HAVCR2: variants seen among roughly 807,000 people sequenced by gnomAD.
HAVCR2 encodes the protein hepatitis A virus cellular receptor 2, also known as T cell immunoglobulin mucin 3.
HAVCR2 carries 13 observed loss-of-function variants against 24.7 expected under a neutral mutation model. The ratio of observed to expected loss-of-function variants is 0.53; its 90% confidence interval spans 0.34 to 0.84. HAVCR2 has a LOEUF of 0.84. Among genes scored for constraint, HAVCR2 ranks in the 40% least tolerant of loss-of-function variants. The pLI is 0.01. For synonymous variants in HAVCR2, 154 were observed against 143.4 expected, an observed-to-expected ratio of 1.07 and a Z score of -0.53; for missense variants, 343 against 371.2, an observed-to-expected ratio of 0.92 and a Z score of 0.62.
chr5:157,093,809 G>A (rs775873124), intron 5 of HAVCR2, among the ~76,000 whole-genome samples: 60 of 152,056 alleles, frequency 3.9e-4, no homozygotes, highest in Admixed American at 2.8e-3. Flanking sequence ...GCCAGGCGTG[G>A]TGGTACATGC....
At chr5:157,092,913 A>AAAAAAAAAAAAAAT (rs1561619880) in intron 5 of HAVCR2, among the ~76,000 whole-genome samples, 28 of 123,022 alleles carry the variant, frequency 2.3e-4, no homozygotes, top group African/African-American at 8.1e-4. Flanking sequence ...AAAAAAAAAA[A>AAAAAAAAAAAAAAT]AAAAACTAGC....
intron 5 of HAVCR2, among the ~76,000 whole-genome samples, chr5:157,091,803 A>T (rs1299757841): frequency 6.6e-6 from 1 of 152,218 alleles, no homozygotes; most frequent in East Asian, 1.9e-4. Context: ...ATCAGTTAGG[A>T]GAGGGGCAAA....
intron 3 of HAVCR2, among the ~76,000 whole-genome samples, chr5:157,099,916 G>A (rs554632145): frequency 2.0e-5 from 3 of 152,162 alleles, no homozygotes; most frequent in Non-Finnish European, 2.9e-5. Flanking sequence ...GGCTAGTCTC[G>A]AACTCCTGAC....
chr5:157,100,038 AAGGGAGACAGGGT>A (rs1757147573), intron 3 of HAVCR2, among the ~76,000 whole-genome samples: 1 of 152,156 alleles, frequency 6.6e-6, no homozygotes, highest in South Asian at 2.1e-4. Flanking sequence ...TACTCATGAG[AAGGGAGACAGGGT>A]TGCCAACAAA....
At chr5:157,094,036 C>T (rs999209226) in intron 5 of HAVCR2, among the ~76,000 whole-genome samples, 4 of 150,406 alleles carry the variant, frequency 2.7e-5, no homozygotes, top group African/African-American at 9.8e-5. Context: ...AACTTCAACA[C>T]ACTTCTTTTT....
intron 6 of HAVCR2, among the ~76,000 whole-genome samples, chr5:157,087,638 G>A (rs1021905312): frequency 2.6e-5 from 4 of 152,100 alleles, no homozygotes; most frequent in Non-Finnish European, 5.9e-5. Flanking sequence ...GGGCGCCGTG[G>A]CTCACGCCTG....
chr5:157,089,479 T>TG (rs1488499115), intron 5 of HAVCR2, among the ~76,000 whole-genome samples: 1 of 150,204 alleles, frequency 6.7e-6, no homozygotes, highest in African/African-American at 2.5e-5. Flanking sequence ...GAGGTTGCGG[T>TG]GAGCCAAGAT....
At chr5:157,098,322 G>A (rs143869960) in intron 4 of HAVCR2, among the ~76,000 whole-genome samples, 2 of 151,840 alleles carry the variant, frequency 1.3e-5, no homozygotes, top group East Asian at 1.9e-4. Flanking sequence ...CAGGAGAATC[G>A]CTTGAACCCG....
intron 3 of HAVCR2, among the ~76,000 whole-genome samples, chr5:157,100,256 T>C (rs1757149930): frequency 6.6e-6 from 1 of 152,134 alleles, no homozygotes; most frequent in Non-Finnish European, 1.5e-5. Context: ...TAACCCAAGG[T>C]CACATGACTT....
intron 1 of HAVCR2, 42 bp downstream of exon 1, chr5:157,108,884 C>A (rs543836769): frequency 6.3e-7 from 1 of 1,594,108 alleles, no homozygotes; most frequent in African/African-American, 1.3e-5. Flanking sequence ...GTCCTCTGTA[C>A]AGCACCATTA....
chr5:157,086,840 A>G lies in HAVCR2; in HGVS notation c.*262T>C. 2.5e-6 allele frequency: 1 copy of G among 407,244 alleles called. No individual in the cohort carries two copies. The highest frequency in any genetic ancestry group is 3.6e-5 in the South Asian group (1 of 27,422). The allele number at this position is 407,244 out of a possible 1,614,324, so 25.2% of individuals were successfully genotyped here. On this transcript the variant is annotated 3_prime_UTR_variant, in exon 7 of 7. Coordinates refer to ENST00000307851, the MANE Select transcript of HAVCR2 (RefSeq NM_032782.5). ...CCCACGTCAAGAATTCCTAGTGTATATAAAAGCCCGTTTGAGCTCTAACAT... is the reference window on the plus strand; with the variant it reads ...CCCACGTCAAGAATTCCTAGTGTATGTAAAAGCCCGTTTGAGCTCTAACAT...
At chr5:157,091,849 C>T (rs546440731) in intron 5 of HAVCR2, among the ~76,000 whole-genome samples, 11 of 152,242 alleles carry the variant, frequency 7.2e-5, no homozygotes, top group African/African-American at 2.4e-4. Flanking sequence ...GGATGGTCAT[C>T]TCAGAGAGTA....
chr5:157,108,421 T>C lies in HAVCR2; in HGVS notation c.58+505A>G, dbSNP rs190570061. Reference sequence around the variant, plus strand: ...ATCACTTGAACCTGGGAGGCGGAGATTGCAGTGAGCCAAAATGGTGCCACC... The same window carrying C: ...ATCACTTGAACCTGGGAGGCGGAGACTGCAGTGAGCCAAAATGGTGCCACC... On this transcript the variant is annotated intron_variant, in intron 1 of 6. Coordinates refer to ENST00000307851, the MANE Select transcript of HAVCR2 (RefSeq NM_032782.5). 7.4e-4 allele frequency among the ~76,000 whole-genome samples: 112 copies of C among 151,938 alleles called. 1 individual carries two copies. The highest frequency in any genetic ancestry group is 2.6e-3 in the African/African-American group (107 of 41,398).
In HAVCR2 at chr5:157,098,854, T is replaced by G; in HGVS notation, c.522+4A>C. The G allele has an allele frequency of 6.2e-7, 1 of 1,612,438 alleles. No individual in the cohort carries two copies. ...CAACATAGCTCACAAAAAAAGTTACTTACTGTTAGATTTATATCAGGGAGG... is the reference window on the plus strand; with the variant it reads ...CAACATAGCTCACAAAAAAAGTTACGTACTGTTAGATTTATATCAGGGAGG... On this transcript the variant is annotated splice_donor_region_variant and intron_variant, in intron 4 of 6. Transcript: ENST00000307851.
intron 4 of HAVCR2, 124 bp from the exon 5 acceptor site, chr5:157,095,583 C>T: frequency 1.0e-6 from 1 of 991,710 alleles, no homozygotes; most frequent in Non-Finnish European, 1.5e-6. Context: ...TCCTTCAAAT[C>T]ACCTTTGATC....
intron 5 of HAVCR2, among the ~76,000 whole-genome samples, chr5:157,093,078 TAA>T (rs1757031688): frequency 1.2e-5 from 1 of 84,406 alleles, no homozygotes; most frequent in South Asian, 3.6e-4. Flanking sequence ...CCAATAATAA[TAA>T]ATATATATAT....
In HAVCR2 at chr5:157,106,670, T is replaced by C. The variant is rs1757256066; in HGVS notation, c.351A>G (p.Ile117Met). 2 of 1,614,228 alleles carry C rather than the reference T, an allele frequency of 1.2e-6. No homozygotes were observed. The highest frequency in any genetic ancestry group is 1.7e-5 in the Admixed American group (1 of 60,026). Residue 117 changes from isoleucine to methionine, a missense_variant, in exon 2 of 7, where the codon ATA (isoleucine) becomes ATG (methionine). By Grantham distance (10) the Ile-to-Met change is conservative. Transcript: ENST00000307851. ...IYCCRIQIPG[I>M]MNDEKFNLKL... is the part of the protein sequence containing the mutation. ...TCAGGTTAAATTTTTCATCATTCAT[T>C]ATGCCTGGGATTTGGATCCGGCAGC...
intron 3 of HAVCR2, among the ~76,000 whole-genome samples, chr5:157,102,780 C>T (rs2113693229): frequency 6.6e-6 from 1 of 151,716 alleles, no homozygotes; most frequent in Non-Finnish European, 1.5e-5. Context: ...AATAAAAATA[C>T]AAAAATTAGC....
intron 6 of HAVCR2, among the ~76,000 whole-genome samples, chr5:157,088,493 T>C (rs1218705142): frequency 6.6e-6 from 1 of 152,222 alleles, no homozygotes; most frequent in South Asian, 2.1e-4. Context: ...CCTGCATTAG[T>C]ACACTTCAGT....
Sources: allele counts gnomAD v4.1 joint callset (sites outside exome capture counted in the v4.1 genomes callset), GRCh38; gene constraint gnomAD v4.1.1; transcripts MANE v1.5; gene names NCBI Gene and HGNC (gene_info 2026-07-23, HGNC 2026-07-21).